The following UACA variants were observed in gnomAD, a reference collection of about 807,000 sequenced individuals.
The protein encoded by UACA is nuclear membrane binding protein.
UACA carries 112 observed loss-of-function variants against 160.5 expected under a neutral mutation model. The ratio of observed to expected loss-of-function variants is 0.70; its 90% CI spans 0.60 to 0.82. UACA has a LOEUF of 0.82. UACA is among the 40% of genes least tolerant of loss of function. The pLI, the probability that UACA is intolerant of heterozygous loss-of-function variation, is 0.00. For synonymous variants in UACA, 557 were observed against 568.4 expected, an observed-to-expected ratio of 0.98 and a Z score of 0.29; for missense variants, 1,574 against 1,614.6, an observed-to-expected ratio of 0.97 and a Z score of 0.43.
chr15:70,668,633 G>A lies in UACA; in HGVS notation c.2051C>T (p.Pro684Leu). Residue 684 changes from proline to leucine, a missense_variant, in exon 16 of 19, where the codon CCA (proline) becomes CTA (leucine). Coordinates refer to ENST00000322954, the MANE Select transcript of UACA (RefSeq NM_018003.4). ...VKAKLAQHVKPEEHEQVKSRL... is the reference protein window; with the variant it reads ...VKAKLAQHVKLEEHEQVKSRL... ...GCTCTTAACCTGTTCATGTTCCTCT[G>A]GTTTGACGTGCTGAGCAAGCTTGGC... 3 of 1,613,918 alleles carry A rather than the reference G, an allele frequency of 1.9e-6. No homozygotes were observed. Among genetic ancestry groups the A allele is most frequent in the Non-Finnish European group, 2.5e-6 (3 of 1,179,976 alleles).
chr15:70,691,393 A>G, intron 3 of UACA, 30 bp from the exon 4 acceptor site: 1 of 1,511,062 alleles, frequency 6.6e-7, no homozygotes, highest in South Asian at 1.2e-5. Context: ...CATGTGAAGG[A>G]TTATTTTCTT....
intron 1 of UACA, among the ~76,000 whole-genome samples, chr15:70,744,031 T>G (rs1001642939): frequency 6.6e-6 from 1 of 151,736 alleles, no homozygotes; most frequent in Non-Finnish European, 1.5e-5. Flanking sequence ...GATCACGAGG[T>G]CAGGAGATCG....
intron 9 of UACA, among the ~76,000 whole-genome samples, chr15:70,680,719 A>C (rs940864546): frequency 1.7e-4 from 26 of 152,020 alleles, no homozygotes; most frequent in African/African-American, 6.3e-4. Context: ...AGACATACTA[A>C]ATCAACCGCA....
At chr15:70,766,710 G>A (rs529316624), upstream of UACA, among the ~76,000 whole-genome samples, 9 of 152,214 alleles carry the variant, frequency 5.9e-5, no homozygotes, top group East Asian at 1.7e-3. Flanking sequence ...GATTGCAGAT[G>A]GTATTTAGGG....
chr15:70,668,009 T>C lies in UACA; in HGVS notation c.2675A>G (p.Asp892Gly), dbSNP rs1896992358. 2.5e-6 allele frequency: 4 copies of C among 1,603,440 alleles called. No individual in the cohort carries two copies. Among genetic ancestry groups the C allele is most frequent in the Non-Finnish European group, 3.4e-6 (4 of 1,175,648 alleles). ...TATTTTTACAAATTCCTGATTTATA[T>C]CTTCAAATTTTTTCTTCACATCTAA... ...ELLDVKKKFEDINQEFVKIKD... is the reference protein window; with the variant it reads ...ELLDVKKKFEGINQEFVKIKD... Residue 892 changes from aspartate (D) to glycine (G), a missense_variant, in exon 16 of 19, where the codon GAT becomes GGT. Physicochemically the swap from Asp to Gly is moderately conservative, Grantham distance 94. Coordinates refer to ENST00000322954, the MANE Select transcript of UACA (RefSeq NM_018003.4).
intron 1 of UACA, among the ~76,000 whole-genome samples, chr15:70,718,113 T>C (rs1898874710): frequency 6.6e-6 from 1 of 151,858 alleles, no homozygotes; most frequent in Non-Finnish European, 1.5e-5. Flanking sequence ...CATACTAGGT[T>C]AGTATATCCT....
At chr15:70,672,117 T>C in intron 13 of UACA, 116 bp from the exon 14 acceptor site, 1 of 828,694 alleles carries the variant, frequency 1.2e-6, no homozygotes, top group African/African-American at 1.7e-5. Context: ...GACATTCTTG[T>C]TTCTCCAGAG....
At chr15:70,688,794 C>T (rs1271598410) in intron 5 of UACA, among the ~76,000 whole-genome samples, 1 of 151,880 alleles carries the variant, frequency 6.6e-6, no homozygotes, top group Non-Finnish European at 1.5e-5. Context: ...AGACTTTGAG[C>T]TAGATGAAGT....
At chr15:70,679,857 G>T in intron 9 of UACA, 181 bp from the exon 10 acceptor site, 1 of 352,792 alleles carries the variant, frequency 2.8e-6, no homozygotes. Flanking sequence ...TTAAGACTAT[G>T]TTTTAAATAA....
At chr15:70,671,903 T>C (rs1238248928) in intron 14 of UACA, 62 bp downstream of exon 14, 2 of 1,398,614 alleles carry the variant, frequency 1.4e-6, no homozygotes, top group Non-Finnish European at 2.0e-6. Flanking sequence ...CAAGTAAGAA[T>C]AAACATTCTT....
chr15:70,683,637 C>T (rs4777301), intron 8 of UACA, among the ~76,000 whole-genome samples: 110,534 of 151,972 alleles, frequency 0.73, 40,792 homozygotes, highest in Admixed American at 0.82. Context: ...CATACACCAA[C>T]AAAAATCATA....
chr15:70,774,590 G>A, the UACA span, among the ~76,000 whole-genome samples: 1 of 150,032 alleles, frequency 6.7e-6, no homozygotes, highest in African/African-American at 2.5e-5. Flanking sequence ...GAAATGGGAA[G>A]GACAGATAAT....
At chr15:70,775,873 G>A in the UACA span, among the ~76,000 whole-genome samples, 1 of 152,306 alleles carries the variant, frequency 6.6e-6, no homozygotes, top group Middle Eastern at 3.4e-3. Context: ...TTCACGCATA[G>A]AAATTTAACT....
In UACA at chr15:70,668,895, T is replaced by G. The variant is rs530712413; in HGVS notation, c.1789A>C (p.Met597Leu). 2.5e-6 allele frequency: 4 copies of G among 1,613,588 alleles called. No individual in the cohort carries two copies. The highest frequency in any genetic ancestry group is 3.4e-6 in the Non-Finnish European group (4 of 1,179,916). Residue 597 changes from methionine (M) to leucine (L), a missense_variant, in exon 16 of 19, where the codon ATG (methionine) becomes CTG (leucine). By Grantham distance (15) the Met-to-Leu change is conservative. Coordinates refer to ENST00000322954, the MANE Select transcript of UACA (RefSeq NM_018003.4). ...ENKRLQKELS[M>L]CEMEREKKGR... The stretch of plus-strand genomic sequence containing the variant: ...TTCTTCTCTCGCTCCATTTCACACA[T>G]ACTAAGTTCCTTCTGTAATCGCTTA...
intron 10 of UACA, among the ~76,000 whole-genome samples, chr15:70,678,582 C>A (rs905553019): frequency 1.1e-4 from 16 of 152,134 alleles, no homozygotes; most frequent in Non-Finnish European, 1.5e-5. Flanking sequence ...AAATAATCAT[C>A]ATTTTCAGTG....
intron 16 of UACA, 83 bp from the exon 17 acceptor site, chr15:70,664,897 G>A: frequency 7.8e-7 from 1 of 1,281,568 alleles, no homozygotes; most frequent in Non-Finnish European, 1.0e-6. Context: ...ATTCCTTTTT[G>A]GAGACAGAAG....
chr15:70,697,732 A>G (rs1278835064), intron 2 of UACA, among the ~76,000 whole-genome samples: 2 of 152,240 alleles, frequency 1.3e-5, no homozygotes, highest in Non-Finnish European at 2.9e-5. Context: ...AAAGGGAAAT[A>G]CTTTATTCTA....
intron 1 of UACA, among the ~76,000 whole-genome samples, chr15:70,728,427 G>A (rs1387523946): frequency 3.9e-5 from 6 of 152,098 alleles, no homozygotes; most frequent in Admixed American, 3.9e-4. Flanking sequence ...GCCAGGCGTG[G>A]TGGTGCATGC....
At chr15:70,705,286 T>C (rs1051382574) in intron 1 of UACA, among the ~76,000 whole-genome samples, 2 of 152,134 alleles carry the variant, frequency 1.3e-5, no homozygotes, top group Non-Finnish European at 2.9e-5. Flanking sequence ...CCCAGAACTT[T>C]GAGAGGCCAA....
Sources: gnomAD v4.1 joint callset for allele counts (sites outside exome capture counted in the v4.1 genomes callset) on GRCh38, gnomAD v4.1.1 for gene constraint, MANE v1.5 for transcripts, NCBI Gene and HGNC (gene_info 2026-07-23, HGNC 2026-07-21) for gene names.